VWA3B: variants seen among roughly 807,000 people sequenced by gnomAD.
VWA3B encodes von Willebrand factor A domain containing 3B, also known as von Willebrand factor A domain-containing protein 3B.
VWA3B carries 138 observed loss-of-function variants against 158.3 expected under a neutral mutation model. The observed-to-expected ratio is 0.87, with a 90% CI of 0.76 to 1.00. The LOEUF is 1.00. Ranked by LOEUF, VWA3B falls within the 50% of genes least tolerant of loss-of-function variation. VWA3B has a pLI of 0.00. For synonymous variants in VWA3B, 596 were observed against 587.3 expected (o/e 1.01, Z -0.21); for missense variants, 1,555 against 1,565.1 (o/e 0.99, Z 0.11).
intron 7 of VWA3B, among the ~76,000 whole-genome samples, chr2:98,135,232 T>C (rs1446012689): frequency 6.6e-6 from 1 of 151,286 alleles, no homozygotes; most frequent in Non-Finnish European, 1.5e-5. Context: ...AACTTAGTTA[T>C]AAAGGGAAAT....
chr2:98,170,894 C>T (rs1280126049), intron 8 of VWA3B, among the ~76,000 whole-genome samples: 7 of 152,128 alleles, frequency 4.6e-5, no homozygotes, highest in Middle Eastern at 3.2e-3. Context: ...CGTGAGCCAC[C>T]GTGCCCGACC....
downstream of VWA3B, among the ~76,000 whole-genome samples, chr2:98,314,050 G>A (rs938815834): frequency 6.6e-5 from 10 of 152,202 alleles, no homozygotes; most frequent in East Asian, 1.7e-3. Context: ...CAGGTGATAA[G>A]GACAGTGCTC....
At chr2:98,178,532 G>A (rs1680207579) in intron 8 of VWA3B, among the ~76,000 whole-genome samples, 1 of 152,192 alleles carries the variant, frequency 6.6e-6, no homozygotes, top group African/African-American at 2.4e-5. Context: ...GAAAGCCTGG[G>A]TCATATTTTT....
At chr2:98,328,281 T>C in the VWA3B span, among the ~76,000 whole-genome samples, 1 of 152,226 alleles carries the variant, frequency 6.6e-6, no homozygotes, top group African/African-American at 2.4e-5. Context: ...TTTTCTGCTA[T>C]GATTGGGAAC....
chr2:98,274,229 G>C (rs968622832), intron 22 of VWA3B, among the ~76,000 whole-genome samples: 1 of 152,220 alleles, frequency 6.6e-6, no homozygotes, highest in African/African-American at 2.4e-5. Context: ...CATTGCACCA[G>C]AGCATCACTG....
Position 98,189,938 on chromosome 2 carries a change from T to C in VWA3B, c.1466+1809T>C, listed in dbSNP as rs1488501619. Among the ~76,000 whole-genome samples the C allele has an allele frequency of 2.0e-5, 3 of 152,206 alleles. No individual in the cohort carries two copies. In the East Asian group the frequency reaches 5.8e-4, roughly 29 times the overall value. On this transcript the variant is annotated intron_variant, in intron 10 of 27. Transcript: ENST00000477737. ...CATCTTTACTTGTCTGCATCCTGTA[T>C]TTAAATGGATTTCTTACAGACACAA... is the stretch of plus-strand genomic sequence containing the variant.
chr2:98,273,966 G>A (rs938895649), intron 22 of VWA3B, among the ~76,000 whole-genome samples: 12 of 152,124 alleles, frequency 7.9e-5, no homozygotes, highest in African/African-American at 2.7e-4. Context: ...TACAACATAC[G>A]AATTAATTGA....
At chr2:98,282,134 G>A (rs1688913063) in intron 22 of VWA3B, among the ~76,000 whole-genome samples, 1 of 152,152 alleles carries the variant, frequency 6.6e-6, no homozygotes, top group African/African-American at 2.4e-5. Flanking sequence ...CATCTTTCTG[G>A]AACAAAGTTG....
intron 14 of VWA3B, 71 bp downstream of exon 14, chr2:98,218,099 A>C (rs1684187230): frequency 2.7e-6 from 4 of 1,473,766 alleles, no homozygotes; most frequent in Non-Finnish European, 3.6e-6. Context: ...TCCCTGGGTA[A>C]TACCTTCGTT....
At chr2:98,307,626 A>C (rs1249641615) in intron 26 of VWA3B, among the ~76,000 whole-genome samples, 1 of 152,226 alleles carries the variant, frequency 6.6e-6, no homozygotes, top group Admixed American at 6.5e-5. Context: ...CAGGTCTTTG[A>C]ATAAATTTTG....
At chr2:98,272,911 C>G (rs1171563755) in intron 22 of VWA3B, among the ~76,000 whole-genome samples, 1 of 152,186 alleles carries the variant, frequency 6.6e-6, no homozygotes, top group African/African-American at 2.4e-5. Context: ...TACACTCTTT[C>G]TATCCCATGT....
the VWA3B span, among the ~76,000 whole-genome samples, chr2:98,327,215 C>A: frequency 6.6e-6 from 1 of 151,922 alleles, no homozygotes; most frequent in Non-Finnish European, 1.5e-5. Flanking sequence ...ATCACTTGAG[C>A]CAGGGAGGTT....
chr2:98,171,280 C>T (rs2105296789), intron 8 of VWA3B, among the ~76,000 whole-genome samples: 1 of 152,080 alleles, frequency 6.6e-6, no homozygotes, highest in East Asian at 1.9e-4. Context: ...ATCGGATGAA[C>T]ACAAATGGGG....
Position 98,250,441 on chromosome 2 carries a change from G to C in VWA3B, c.2792+5G>C. The C allele has an allele frequency of 6.3e-7, 1 of 1,596,896 alleles. No individual in the cohort carries two copies. Among genetic ancestry groups the C allele is most frequent in the African/African-American group, 1.4e-5 (1 of 73,764 alleles). ...GGCAATTCAATCCTATGAAAAGTGA[G>C]TATTACTCTTGGCTGCTCTTTAATG... On this transcript the variant is annotated splice_donor_5th_base_variant and intron_variant, in intron 20 of 27. Transcript: ENST00000477737.
intron 9 of VWA3B, among the ~76,000 whole-genome samples, chr2:98,183,173 T>A (rs935478465): frequency 4.7e-5 from 7 of 149,930 alleles, no homozygotes; most frequent in Non-Finnish European, 7.4e-5. Flanking sequence ...GAATTATTAA[T>A]ATATAGTACA....
chr2:98,179,703 CTT>C (rs1374512890), intron 8 of VWA3B, among the ~76,000 whole-genome samples: 1 of 148,756 alleles, frequency 6.7e-6, no homozygotes, highest in African/African-American at 2.5e-5. Context: ...CTTTCTTTTT[CTT>C]TCTTTCTTCT....
At chr2:98,220,705 G>C (rs1042285292) in intron 14 of VWA3B, among the ~76,000 whole-genome samples, 3 of 152,102 alleles carry the variant, frequency 2.0e-5, no homozygotes, top group Non-Finnish European at 1.5e-5. Context: ...CAATAGCAAA[G>C]ACATGGAACC....
At chr2:98,093,686 G>T (rs1682516008) in intron 2 of VWA3B, among the ~76,000 whole-genome samples, 2 of 151,994 alleles carry the variant, frequency 1.3e-5, no homozygotes, top group South Asian at 4.1e-4. Flanking sequence ...TGTTTTTCAA[G>T]AATGCAATCC....
At chr2:98,186,869 C>T (rs1159662020) in intron 9 of VWA3B, among the ~76,000 whole-genome samples, 2 of 152,142 alleles carry the variant, frequency 1.3e-5, no homozygotes, top group Non-Finnish European at 2.9e-5. Flanking sequence ...TCCTTTTTCA[C>T]TCAGAGCAAA....
Sources: allele counts gnomAD v4.1 joint callset (sites outside exome capture counted in the v4.1 genomes callset), GRCh38; gene constraint gnomAD v4.1.1; transcripts MANE v1.5; gene names NCBI Gene and HGNC (gene_info 2026-07-23, HGNC 2026-07-21).